Variants in CARF observed in about 807,000 individuals in gnomAD.
The protein encoded by CARF is calcium responsive transcription factor, also known as calcium-responsive transcription factor.
CARF carries 57 observed loss-of-function variants against 82.0 expected under a neutral mutation model. The ratio of observed to expected loss-of-function variants is 0.70; its 90% CI spans 0.56 to 0.87. CARF has a LOEUF of 0.87. Ranked by LOEUF, CARF falls within the 40% of genes least tolerant of loss-of-function variation. CARF has a pLI of 0.00. For synonymous variants in CARF, 268 were observed against 290.1 expected (o/e 0.92, Z 0.77); for missense variants, 771 against 855.8 (o/e 0.90, Z 1.24).
intron 3 of CARF, among the ~76,000 whole-genome samples, chr2:202,930,379 C>G (rs1209554363): frequency 6.6e-6 from 1 of 152,106 alleles, no homozygotes; most frequent in Non-Finnish European, 1.5e-5. Flanking sequence ...TAATGGTATC[C>G]CATAATTCTT....
At chr2:202,951,754 G>A (rs892793382) in intron 5 of CARF, among the ~76,000 whole-genome samples, 3 of 151,518 alleles carry the variant, frequency 2.0e-5, no homozygotes, top group Admixed American at 1.3e-4. Flanking sequence ...TTGTAGTACC[G>A]TTCTTTATGA....
rs766561509 is a variant in CARF at position 202,942,680 on chromosome 2, A to G, written c.79-60A>G. ...AAATGGATGTCTTTTCATTTTTATT[A>G]TACACATCTTTAAAAAAAATGGTGA... On this transcript the variant is annotated intron_variant, in intron 4 of 16. Coordinates refer to ENST00000438828, the MANE Select transcript of CARF (RefSeq NM_024744.17). The G allele has an allele frequency of 1.3e-3, 1,638 of 1,298,504 alleles. 1 individual carries two copies. The highest frequency in any genetic ancestry group is 1.4e-3 in the Non-Finnish European group (1,356 of 948,124). The allele number at this position is 1,298,504 out of a possible 1,614,324, so 80.4% of individuals were successfully genotyped here.
intron 2 of CARF, among the ~76,000 whole-genome samples, chr2:202,920,255 C>T (rs1463564708): frequency 3.3e-5 from 5 of 151,584 alleles, no homozygotes; most frequent in South Asian, 2.1e-4. Context: ...CCCGGGTTCA[C>T]GCCATTCTCC....
intron 5 of CARF, among the ~76,000 whole-genome samples, chr2:202,948,491 A>AT (rs888266033): frequency 7.9e-5 from 12 of 151,340 alleles, no homozygotes; most frequent in Middle Eastern, 3.4e-3. Flanking sequence ...ATGAGCATGG[A>AT]TTTTTTTTTC....
intron 1 of CARF, among the ~76,000 whole-genome samples, chr2:202,917,182 G>T (rs1172921352): frequency 2.7e-5 from 3 of 111,994 alleles, no homozygotes; most frequent in Admixed American, 2.7e-4. Context: ...CTGCACTCCA[G>T]CCTGGGCGAC....
chr2:202,951,974 A>T (rs1478829014), intron 5 of CARF, among the ~76,000 whole-genome samples: 1 of 151,970 alleles, frequency 6.6e-6, no homozygotes, highest in Non-Finnish European at 1.5e-5. Flanking sequence ...CTGGGATTAC[A>T]GGCGCGTGCC....
intron 3 of CARF, among the ~76,000 whole-genome samples, chr2:202,932,361 C>T (rs1180308487): frequency 6.6e-6 from 1 of 152,102 alleles, no homozygotes; most frequent in African/African-American, 2.4e-5. Flanking sequence ...TGTAGATTGA[C>T]CACAGAGCTA....
At chr2:202,936,319 T>TA (rs1693939015) in intron 3 of CARF, among the ~76,000 whole-genome samples, 1 of 152,184 alleles carries the variant, frequency 6.6e-6, no homozygotes. Flanking sequence ...AATTAATCCC[T>TA]TTAAAATGAA....
At position 202,954,083 on chromosome 2, in the gene CARF, A is replaced by G. The variant is rs752749004; in HGVS notation, c.506A>G (p.Tyr169Cys). 6.2e-7 allele frequency: 1 copy of G among 1,613,672 alleles called. No individual in the cohort carries two copies. Among genetic ancestry groups the G allele is most frequent in the Non-Finnish European group, 8.5e-7 (1 of 1,179,858 alleles). Residue 169 changes from tyrosine (Y) to cysteine (C), a missense_variant, in exon 7 of 17, where the codon TAC becomes TGC. Coordinates refer to ENST00000438828, the MANE Select transcript of CARF (RefSeq NM_024744.17). ...VDTLADNTSNYILHPQTSFPL... is the reference protein window; with the variant it reads ...VDTLADNTSNCILHPQTSFPL... ...ACTCTAGCAGACAATACCAGCAATT[A>G]CATTCTTCATCCTCAAACATCCTTC...
At chr2:202,948,215 T>TACCATGGTACCATA (rs1196041836) in intron 5 of CARF, among the ~76,000 whole-genome samples, 1 of 152,236 alleles carries the variant, frequency 6.6e-6, no homozygotes, top group Non-Finnish European at 1.5e-5. Flanking sequence ...GGTCTATATG[T>TACCATGGTACCATA]CTGTTTTCAT....
chr2:202,914,283 A>G (rs543808984), intron 1 of CARF, among the ~76,000 whole-genome samples: 123 of 152,290 alleles, frequency 8.1e-4, no homozygotes, highest in Middle Eastern at 6.8e-3. Context: ...TGTTTTATAT[A>G]TATAATGCCA....
intron 3 of CARF, among the ~76,000 whole-genome samples, chr2:202,930,968 C>CTTTTTTTT (rs1007407230): frequency 8.7e-5 from 9 of 103,214 alleles, no homozygotes; most frequent in African/African-American, 1.5e-4. Flanking sequence ...TTTTTCTTTT[C>CTTTTTTTT]TTTTTTTTTT....
intron 5 of CARF, among the ~76,000 whole-genome samples, chr2:202,950,555 T>C (rs868722874): frequency 6.6e-6 from 1 of 152,196 alleles, no homozygotes; most frequent in Non-Finnish European, 1.5e-5. Context: ...TTTGCTTTTG[T>C]CTTTTCTTAG....
At chr2:202,971,466 GT>G in intron 11 of CARF, 38 bp from the exon 12 acceptor site, 3 of 1,232,412 alleles carry the variant, frequency 2.4e-6, no homozygotes, top group Non-Finnish European at 3.5e-6. Flanking sequence ...TAATTTTAAT[GT>G]TTAAATTTTA....
At chr2:202,939,005 A>G (rs1332508950) in intron 3 of CARF, among the ~76,000 whole-genome samples, 1 of 151,778 alleles carries the variant, frequency 6.6e-6, no homozygotes, top group Non-Finnish European at 1.5e-5. Context: ...TCTTTCTTTA[A>G]TTTGTATTTT....
At chr2:202,960,302 C>T (rs1351590051) in intron 8 of CARF, among the ~76,000 whole-genome samples, 3 of 150,990 alleles carry the variant, frequency 2.0e-5, no homozygotes, top group Admixed American at 6.6e-5. Context: ...CAGGCTGGAG[C>T]GCAATGGCAC....
chr2:202,944,841 T>A (rs770210800), intron 5 of CARF, among the ~76,000 whole-genome samples: 1 of 151,810 alleles, frequency 6.6e-6, no homozygotes, highest in Non-Finnish European at 1.5e-5. Context: ...TGTAAAAGGG[T>A]TGTCATTTTA....
In CARF at chr2:202,981,970, T is replaced by C. The variant is rs563314418; in HGVS notation, c.1690-102T>C. 34 of 1,270,586 alleles carry C rather than the reference T, an allele frequency of 2.7e-5. No individual in the cohort carries two copies. In the African/African-American group the frequency reaches 3.9e-4, roughly 15 times the overall value. The allele number at this position is 1,270,586 out of a possible 1,614,324, so 78.7% of individuals were successfully genotyped here. On this transcript the variant is annotated intron_variant, in intron 15 of 16. Transcript: ENST00000438828. The stretch of plus-strand genomic sequence containing the variant: ...TTAATAATTATTTTTAACCATACTC[T>C]TTTTATTTGTTCGGATTTTTTGTCA...
intron 3 of CARF, among the ~76,000 whole-genome samples, chr2:202,933,275 A>G (rs1405227023): frequency 6.6e-6 from 1 of 152,138 alleles, no homozygotes; most frequent in Non-Finnish European, 1.5e-5. Flanking sequence ...CCTCAGGGAT[A>G]AAGGGGAACT....
Sources: allele counts gnomAD v4.1 joint callset (sites outside exome capture counted in the v4.1 genomes callset), GRCh38; gene constraint gnomAD v4.1.1; transcripts MANE v1.5; gene names NCBI Gene and HGNC (gene_info 2026-07-23, HGNC 2026-07-21).